ZNF599: variants seen among roughly 807,000 people sequenced by gnomAD.
ZNF599 encodes zinc finger protein 599.
Under a neutral mutation model 11.7 loss-of-function variants are expected in ZNF599, and 10 were observed. That is an observed-to-expected ratio of 0.86 (90% CI 0.53 to 1.45). The LOEUF is 1.45. ZNF599 is among the 40% of genes most tolerant of loss of function. ZNF599 has a pLI of 0.00. For missense variants in ZNF599, 688 were observed against 713.6 expected (o/e 0.96, Z 0.41); for synonymous variants, 232 against 253.2 (o/e 0.92, Z 0.79).
chr19:34,769,321 A>C, intron 2 of ZNF599, 108 bp downstream of exon 2: 1 of 1,465,548 alleles, frequency 6.8e-7, no homozygotes, highest in South Asian at 1.2e-5. Flanking sequence ...CTGAGGCTGC[A>C]GGGATCAGGG....
the ZNF599 span, chr19:34,779,738 T>G: frequency 2.1e-5 from 6 of 280,218 alleles, no homozygotes; most frequent in African/African-American, 1.4e-4. Context: ...GTGAACTCGA[T>G]GCATATTGAG....
the ZNF599 span, chr19:34,779,751 T>C: frequency 1.5e-5 from 4 of 263,764 alleles, no homozygotes; most frequent in South Asian, 1.1e-4. Context: ...ATATTGAGAG[T>C]GGAGGCCTGT....
chr19:34,800,804 A>G, the ZNF599 span, among the ~76,000 whole-genome samples: 2 of 152,122 alleles, frequency 1.3e-5, no homozygotes, highest in Middle Eastern at 3.4e-3. Context: ...CATGTTGGCC[A>G]GGCTGGTCTT....
the ZNF599 span, among the ~76,000 whole-genome samples, chr19:34,807,204 C>G: frequency 8.2e-4 from 125 of 152,318 alleles, no homozygotes; most frequent in Middle Eastern, 3.4e-3. Context: ...CCCGCTTCCC[C>G]CAGCCTAAAC....
chr19:34,763,257 T>G (rs1169981719), intron 3 of ZNF599: 1 of 152,168 alleles, frequency 6.6e-6, no homozygotes, highest in Non-Finnish European at 1.5e-5. Context: ...TAAAATGCAA[T>G]GAAAGAAAAT....
At chr19:34,770,803 CTA>C (rs1215068671) in intron 1 of ZNF599, among the ~76,000 whole-genome samples, 2 of 152,164 alleles carry the variant, frequency 1.3e-5, no homozygotes, top group East Asian at 3.9e-4. Flanking sequence ...TGGTGTCACT[CTA>C]TGTCTCCTCA....
chr19:34,777,492 G>T (rs1364614740), upstream of ZNF599, among the ~76,000 whole-genome samples: 66 of 93,690 alleles, frequency 7.0e-4, no homozygotes, highest in African/African-American at 1.7e-3. Context: ...TATAATATAT[G>T]ATATATATTA....
chr19:34,804,050 G>A, the ZNF599 span, among the ~76,000 whole-genome samples: 1 of 152,144 alleles, frequency 6.6e-6, no homozygotes, highest in African/African-American at 2.4e-5. Context: ...TCACTGCCAA[G>A]GGCAACCCTT....
chr19:34,775,275 A>G (rs1417286782), upstream of ZNF599, among the ~76,000 whole-genome samples: 1 of 152,270 alleles, frequency 6.6e-6, no homozygotes, highest in Non-Finnish European at 1.5e-5. Flanking sequence ...ATGAATGGAT[A>G]AACAAAATGT....
chr19:34,796,836 C>T, the ZNF599 span, among the ~76,000 whole-genome samples: 3,353 of 152,138 alleles, frequency 0.022, 111 homozygotes, highest in African/African-American at 0.076. Context: ...TTTAAGATTC[C>T]CTTTGGAACT....
the ZNF599 span, among the ~76,000 whole-genome samples, chr19:34,784,965 G>A: frequency 1.4e-5 from 2 of 146,552 alleles, no homozygotes; most frequent in South Asian, 4.6e-4. Flanking sequence ...GCCACAATTT[G>A]GATTCTCATA....
Position 34,773,208 on chromosome 19 carries a change from G to C in ZNF599, c.-367C>G, listed in dbSNP as rs1187246206. On this transcript the variant is annotated 5_prime_UTR_variant, in exon 1 of 4. Coordinates refer to ENST00000329285, the MANE Select transcript of ZNF599 (RefSeq NM_001007248.3). Reference sequence around the variant, plus strand: ...CGCAACCTAACGGCGGACGAAGACTGGACGCCGGAAGTCCCGCCCACGCCG... The same window carrying C: ...CGCAACCTAACGGCGGACGAAGACTCGACGCCGGAAGTCCCGCCCACGCCG... 3.7e-6 allele frequency: 1 copy of C among 270,744 alleles called. No homozygotes were observed. Among genetic ancestry groups the C allele is most frequent in the African/African-American group, 2.2e-5 (1 of 45,472 alleles). 16.8% of individuals were successfully genotyped at this position (270,744 alleles called of 1,614,324 possible).
At chr19:34,799,524 A>G in the ZNF599 span, among the ~76,000 whole-genome samples, 1 of 152,254 alleles carries the variant, frequency 6.6e-6, no homozygotes. Context: ...AAAATTTGCA[A>G]TAGTCATCCA....
the ZNF599 span, among the ~76,000 whole-genome samples, chr19:34,781,073 G>A: frequency 3.3e-5 from 5 of 151,952 alleles, no homozygotes; most frequent in African/African-American, 4.8e-5. Context: ...GGAGAATGGC[G>A]TGAACCCGGG....
rs1157869064 is a variant in ZNF599, at chr19:34,758,729, T to A, written c.*305A>T. 4.0e-6 allele frequency: 1 copy of A among 250,956 alleles called. No homozygotes were observed. The highest frequency in any genetic ancestry group is 2.2e-5 in the African/African-American group (1 of 44,926). The allele number at this position is 250,956 out of a possible 1,614,324, so 15.5% of individuals were successfully genotyped here. On this transcript the variant is annotated 3_prime_UTR_variant, in exon 4 of 4. Coordinates refer to ENST00000329285, the MANE Select transcript of ZNF599 (RefSeq NM_001007248.3). ...TTTATAGTATTAATAAGAGGAAAGT[T>A]GTTCCTGACATTTTACCTAAATGCA...
intron 3 of ZNF599, chr19:34,764,892 C>T (rs2069132513): frequency 6.6e-6 from 1 of 152,036 alleles, no homozygotes; most frequent in Admixed American, 6.5e-5. Flanking sequence ...GTATAAATTG[C>T]ACCTCAGTAC....
chr19:34,786,586 G>A, the ZNF599 span, among the ~76,000 whole-genome samples: 1 of 152,190 alleles, frequency 6.6e-6, no homozygotes, highest in African/African-American at 2.4e-5. Context: ...CCCCTTTCCT[G>A]GGTGGAGGCA....
At chr19:34,781,537 G>A in the ZNF599 span, among the ~76,000 whole-genome samples, 290 of 152,332 alleles carry the variant, frequency 1.9e-3, no homozygotes, top group African/African-American at 6.5e-3. Context: ...GGAATTGTTC[G>A]TAAGACAAAG....
chr19:34,761,549 T>C (rs917942217), intron 3 of ZNF599, among the ~76,000 whole-genome samples: 1 of 152,146 alleles, frequency 6.6e-6, no homozygotes, highest in African/African-American at 2.4e-5. Context: ...GATGAAACTA[T>C]ATGCATTCAG....
Sources: allele counts gnomAD v4.1 joint callset (sites outside exome capture counted in the v4.1 genomes callset), GRCh38; gene constraint gnomAD v4.1.1; transcripts MANE v1.5; gene names NCBI Gene and HGNC (gene_info 2026-07-23, HGNC 2026-07-21).